The following FAM222B variants were observed in gnomAD, a reference collection of about 807,000 sequenced individuals.
FAM222B encodes the protein protein FAM222B.
A neutral mutation model predicts 38.0 loss-of-function variants in FAM222B; 12 were observed. The observed-to-expected ratio is 0.32, with a 90% CI of 0.20 to 0.51. FAM222B has a LOEUF of 0.51. FAM222B is among the 20% of genes least tolerant of loss of function. The probability of loss-of-function intolerance (pLI) is 0.97; values close to 1 mark genes in which losing one functional copy is unlikely to be tolerated. For synonymous variants in FAM222B, 329 were observed against 317.2 expected (o/e 1.04, Z -0.40); for missense variants, 716 against 754.2 (o/e 0.95, Z 0.59).
chr17:28,837,087 G>A (rs562958619), intron 1 of FAM222B, among the ~76,000 whole-genome samples: 2 of 152,230 alleles, frequency 1.3e-5, no homozygotes, highest in East Asian at 1.9e-4. Context: ...CTGCACTCCA[G>A]CCTGGGTGAC....
chr17:28,771,855 C>G (rs571186268), intron 1 of FAM222B, among the ~76,000 whole-genome samples: 1 of 152,192 alleles, frequency 6.6e-6, no homozygotes, highest in South Asian at 2.1e-4. Flanking sequence ...GAGATCGAGA[C>G]TATCCTGGCT....
chr17:28,806,755 A>G (rs2037513517), intron 1 of FAM222B, among the ~76,000 whole-genome samples: 2 of 152,288 alleles, frequency 1.3e-5, no homozygotes, highest in South Asian at 4.1e-4. Context: ...AAAGCCTCTC[A>G]GGGTAGATAT....
intron 1 of FAM222B, among the ~76,000 whole-genome samples, chr17:28,782,217 G>A (rs984797900): frequency 6.6e-6 from 1 of 152,150 alleles, no homozygotes; most frequent in Non-Finnish European, 1.5e-5. Flanking sequence ...AGCTGCTCGG[G>A]AGGCTAAGGC....
In FAM222B at chr17:28,820,614, C is replaced by T. The variant is rs542095109; in HGVS notation, c.-41+22068G>A. ...AGGTGGAATTCATTCCTCATCTGAA[C>T]CAAAAAGCAAAAATGGTAAAACTTT... is the stretch of plus-strand genomic sequence containing the variant. On this transcript the variant is annotated intron_variant, in intron 1 of 2. Coordinates refer to ENST00000581407, the MANE Select transcript of FAM222B (RefSeq NM_001077498.3). Among the ~76,000 whole-genome samples the T allele has an allele frequency of 1.1e-3, 160 of 151,778 alleles. 1 individual carries two copies. The highest frequency in any genetic ancestry group is 3.4e-3 in the Middle Eastern group (1 of 294).
intron 1 of FAM222B, among the ~76,000 whole-genome samples, chr17:28,840,424 T>G (rs547808474): frequency 6.6e-6 from 1 of 152,284 alleles, no homozygotes; most frequent in East Asian, 1.9e-4. Flanking sequence ...TAGTTTGTCC[T>G]CTGCTTTGTC....
At chr17:28,793,482 GC>G (rs1213274496) in intron 1 of FAM222B, among the ~76,000 whole-genome samples, 1 of 152,114 alleles carries the variant, frequency 6.6e-6, no homozygotes, top group Non-Finnish European at 1.5e-5. Context: ...ACCAACAGCA[GC>G]TGGCCAGCAG....
intron 1 of FAM222B, among the ~76,000 whole-genome samples, chr17:28,789,497 G>A (rs1188048031): frequency 6.6e-6 from 1 of 152,140 alleles, no homozygotes; most frequent in Non-Finnish European, 1.5e-5. Flanking sequence ...CTGGCCCACT[G>A]TCCTCTTTAA....
upstream of FAM222B, among the ~76,000 whole-genome samples, chr17:28,844,482 A>AC (rs1220713520): frequency 3.3e-5 from 5 of 151,538 alleles, no homozygotes; most frequent in African/African-American, 7.3e-5. Flanking sequence ...ACACGGTGAA[A>AC]CCCCGTCTCA....
intron 1 of FAM222B, among the ~76,000 whole-genome samples, chr17:28,821,059 G>T (rs1035401844): frequency 6.6e-6 from 1 of 150,912 alleles, no homozygotes; most frequent in African/African-American, 2.4e-5. Context: ...GGGTTCAAGC[G>T]ATTCTCCTGC....
At position 28,758,113 on chromosome 17, in the gene FAM222B, CT is replaced by C. The variant is rs1379507408; in HGVS notation, c.*156del. 1.0e-5 allele frequency: 7 copies of C among 672,880 alleles called. No homozygotes were observed. Among genetic ancestry groups the C allele is most frequent in the South Asian group, 4.8e-5 (2 of 41,908 alleles). The allele number at this position is 672,880 out of a possible 1,614,324, so 41.7% of individuals were successfully genotyped here. A position where few individuals can be genotyped will look rare whatever the true frequency, so the allele number is the denominator to read the frequency against. On this transcript the variant is annotated 3_prime_UTR_variant, in exon 3 of 3. Coordinates refer to ENST00000581407, the MANE Select transcript of FAM222B (RefSeq NM_001077498.3). ...GCTGGAGGGGAGGACGAGAGGACCC[CT>C]TCTGTCCCCACTTAGATCCCACCAA... is the stretch of plus-strand genomic sequence containing the variant.
chr17:28,788,303 A>G (rs575006790), intron 1 of FAM222B, among the ~76,000 whole-genome samples: 1 of 152,242 alleles, frequency 6.6e-6, no homozygotes, highest in Admixed American at 6.5e-5. Context: ...TGGTGGTGCA[A>G]TCATAGCTCA....
rs995816225 is a variant in FAM222B at position 28,830,840 on chromosome 17, A to T, written c.-41+11842T>A. Among the ~76,000 whole-genome samples, 9 of 151,522 alleles carry T rather than the reference A, an allele frequency of 5.9e-5. No homozygotes were observed. The South Asian group carries it at 1.5e-3, about 24-fold the overall frequency. ...ATCTCTATTAAAAAAAAAATAAAAT[A>T]AAATAAAGTTAAAATAAAATAATAA... On this transcript the variant is annotated intron_variant, in intron 1 of 2. Transcript: ENST00000581407.
intron 1 of FAM222B, among the ~76,000 whole-genome samples, chr17:28,815,092 A>T (rs1249515484): frequency 1.3e-5 from 2 of 151,974 alleles, no homozygotes; most frequent in Non-Finnish European, 2.9e-5. Flanking sequence ...TTTTTTAAAC[A>T]CATATAAATA....
intron 1 of FAM222B, among the ~76,000 whole-genome samples, chr17:28,774,901 C>A (rs2035809116): frequency 6.6e-6 from 1 of 151,588 alleles, no homozygotes; most frequent in Non-Finnish European, 1.5e-5. Flanking sequence ...GAGATGGCAC[C>A]ACTGCACTCC....
chr17:28,828,568 GAAAA>G (rs34469459), intron 1 of FAM222B, among the ~76,000 whole-genome samples: 1 of 127,962 alleles, frequency 7.8e-6, no homozygotes, highest in Non-Finnish European at 1.7e-5. Flanking sequence ...ACTCTGTCAC[GAAAA>G]AAAAAAAACA....
intron 1 of FAM222B, among the ~76,000 whole-genome samples, chr17:28,799,258 C>T (rs1478745705): frequency 2.8e-5 from 4 of 141,294 alleles, no homozygotes; most frequent in Non-Finnish European, 4.4e-5. Context: ...CAGGTGTGAG[C>T]CACCGCGACT....
chr17:28,834,918 G>C (rs959146098), intron 1 of FAM222B: 1 of 150,170 alleles, frequency 6.7e-6, no homozygotes, highest in Non-Finnish European at 1.5e-5. Flanking sequence ...GCAATGGCGT[G>C]ACCTCAGCTC....
chr17:28,850,776 C>T (rs1051443576), intron 1 of FAM222B, among the ~76,000 whole-genome samples: 1 of 152,068 alleles, frequency 6.6e-6, no homozygotes, highest in Non-Finnish European at 1.5e-5. Flanking sequence ...TTCTCGTGTG[C>T]AGTGTCTGAC....
At chr17:28,777,716 A>G (rs1043196484) in intron 1 of FAM222B, among the ~76,000 whole-genome samples, 8 of 151,996 alleles carry the variant, frequency 5.3e-5, no homozygotes, top group African/African-American at 1.9e-4. Context: ...CTGTGTGTGT[A>G]TGTGTGTGTG....
Sources: gnomAD v4.1 joint callset for allele counts (sites outside exome capture counted in the v4.1 genomes callset) on GRCh38, gnomAD v4.1.1 for gene constraint, MANE v1.5 for transcripts, NCBI Gene and HGNC (gene_info 2026-07-23, HGNC 2026-07-21) for gene names.